Variants in DGKH observed in about 807,000 individuals in gnomAD.
DGKH encodes the protein diacylglycerol kinase eta.
Under a neutral mutation model 159.3 loss-of-function variants are expected in DGKH, and 90 were observed. That is an observed-to-expected ratio of 0.57 (90% confidence interval 0.48 to 0.67). The LOEUF (loss-of-function observed/expected upper bound fraction) is 0.67, where lower values mean the gene tolerates loss of function less well. Ranked by LOEUF, DGKH falls within the 30% of genes least tolerant of loss-of-function variation. DGKH has a pLI of 0.00. For synonymous variants in DGKH, 536 were observed against 553.8 expected (o/e 0.97, Z 0.45); for missense variants, 1,181 against 1,506.1 (o/e 0.78, Z 3.57).
At chr13:42,221,110 AGTG>A in intron 28 of DGKH, 151 bp from the exon 29 acceptor site, 1 of 968,838 alleles carries the variant, frequency 1.0e-6, no homozygotes, top group South Asian at 1.8e-5. Context: ...CATGGGAAAA[AGTG>A]GAACTATGGT....
At position 42,234,372 on chromosome 13, in the gene DGKH, C is replaced by T. The variant is rs1400861613; in HGVS notation, c.*5184C>T. The T allele has an allele frequency of 6.6e-6, 1 of 152,162 alleles. No individual in the cohort carries two copies. The highest frequency in any genetic ancestry group is 2.4e-5 in the African/African-American group (1 of 41,450). 9.4% of individuals were successfully genotyped at this position (152,162 alleles called of 1,614,324 possible). On this transcript the variant is annotated 3_prime_UTR_variant, in exon 30 of 30. Transcript: ENST00000337343. ...GAAAGTTATAGGGGCTGCCACTATA[C>T]AGCACTTCTAAAGTAAAACATCTTC...
At chr13:42,150,568 T>A (rs1955853860) in intron 3 of DGKH, among the ~76,000 whole-genome samples, 1 of 152,232 alleles carries the variant, frequency 6.6e-6, no homozygotes, top group Non-Finnish European at 1.5e-5. Flanking sequence ...GCGGAAGTAA[T>A]CCTTCTGTTT....
chr13:42,241,829 A>G lies in DGKH; in HGVS notation c.*12641A>G, dbSNP rs567442115. ...GCCATGAGGCACTAATACATAGGTG[A>G]AACAAAAATATTTTTAGTTCTAAAA... On this transcript the variant is annotated 3_prime_UTR_variant, in exon 30 of 30. Transcript: ENST00000337343. 3 of 152,372 alleles carry G rather than the reference A, an allele frequency of 2.0e-5. No homozygotes were observed. The highest frequency in any genetic ancestry group is 7.2e-5 in the African/African-American group (3 of 41,590). The allele number at this position is 152,372 out of a possible 1,614,324, so 9.4% of individuals were successfully genotyped here.
rs1566082071 is a variant in DGKH at position 42,063,947 on chromosome 13, A to AT, written c.192+14982_192+14983insT. Among the ~76,000 whole-genome samples, 165 of 109,698 alleles carry AT rather than the reference A, an allele frequency of 1.5e-3. 1 individual carries two copies. Among genetic ancestry groups the AT allele is most frequent in the Middle Eastern group, 4.1e-3 (1 of 246 alleles). 72.0% of individuals were successfully genotyped at this position (109,698 alleles called of 152,430 possible). ...AGAGCAAAACTCCGTCTGAAAAAAA[A>AT]AATATATATATATATATACTGTGGG... On this transcript the variant is annotated intron_variant, in intron 1 of 29. Coordinates refer to ENST00000337343, the MANE Select transcript of DGKH (RefSeq NM_178009.5).
intron 1 of DGKH, among the ~76,000 whole-genome samples, chr13:42,060,151 C>A (rs555119342): frequency 8.1e-6 from 1 of 122,732 alleles, no homozygotes; most frequent in African/African-American, 2.5e-5. Flanking sequence ...GGTGATCCAC[C>A]GGCCTCGGCC....
intron 26 of DGKH, among the ~76,000 whole-genome samples, chr13:42,217,783 C>T (rs913928091): frequency 5.9e-5 from 9 of 152,070 alleles, no homozygotes; most frequent in Admixed American, 1.3e-4. Flanking sequence ...CCTGTAATTC[C>T]GGCACTTTGG....
At chr13:42,130,070 G>A (rs1955257427) in intron 3 of DGKH, among the ~76,000 whole-genome samples, 2 of 152,066 alleles carry the variant, frequency 1.3e-5, no homozygotes, top group Admixed American at 6.6e-5. Flanking sequence ...TGATTCATTC[G>A]GCAGCTCTGT....
chr13:42,184,875 G>GT (rs67713658), intron 13 of DGKH, among the ~76,000 whole-genome samples: 388 of 115,746 alleles, frequency 3.4e-3, no homozygotes, highest in African/African-American at 0.013. Context: ...CTCTAAAAAT[G>GT]TTTTTTTTTT....
intron 24 of DGKH, among the ~76,000 whole-genome samples, chr13:42,212,982 C>A (rs1001948989): frequency 6.6e-6 from 1 of 152,146 alleles, no homozygotes; most frequent in Admixed American, 6.6e-5. Context: ...ATGCATGCTA[C>A]TTTCAGGAAA....
At chr13:42,130,373 C>T (rs1955263836) in intron 3 of DGKH, among the ~76,000 whole-genome samples, 1 of 152,030 alleles carries the variant, frequency 6.6e-6, no homozygotes, top group Non-Finnish European at 1.5e-5. Context: ...CATTTTTTTC[C>T]AGCTTCTTTC....
At chr13:42,116,927 C>T (rs963920630) in intron 1 of DGKH, among the ~76,000 whole-genome samples, 3 of 152,096 alleles carry the variant, frequency 2.0e-5, no homozygotes, top group Non-Finnish European at 4.4e-5. Context: ...AACGATTTTT[C>T]AAAGTCAGGT....
Position 42,127,504 on chromosome 13 carries a change from T to G in DGKH, c.234T>G (p.Ser78=). 1 of 1,613,886 alleles carries G rather than the reference T, an allele frequency of 6.2e-7. No homozygotes were observed. Among genetic ancestry groups the G allele is most frequent in the South Asian group, 1.1e-5 (1 of 91,072 alleles). Residue 78 remains serine (S), a synonymous_variant, in exon 2 of 30, where the codon TCT becomes TCG. Transcript: ENST00000337343. ...GACAGCTATTGAAGCAAACCAGTTC[T>G]TTCCAAAGGTGGAAAAAGCGATACT... ...KEGQLLKQTS[S]FQRWKKRYFK...
intron 21 of DGKH, among the ~76,000 whole-genome samples, chr13:42,206,610 C>T (rs943985520): frequency 6.9e-6 from 1 of 145,072 alleles, no homozygotes; most frequent in Non-Finnish European, 1.5e-5. Flanking sequence ...GTCAGCTGGG[C>T]TGTTGCCTTC....
chr13:42,111,861 C>T (rs951433753), intron 1 of DGKH, among the ~76,000 whole-genome samples: 1 of 152,150 alleles, frequency 6.6e-6, no homozygotes, highest in Non-Finnish European at 1.5e-5. Context: ...GGTTGAATTT[C>T]TTCCTTTCTG....
intron 1 of DGKH, among the ~76,000 whole-genome samples, chr13:42,056,007 A>T (rs1473868308): frequency 6.6e-6 from 1 of 152,168 alleles, no homozygotes; most frequent in Non-Finnish European, 1.5e-5. Flanking sequence ...AAAATAAGAA[A>T]GTTAGCTGGG....
intron 1 of DGKH, among the ~76,000 whole-genome samples, chr13:42,097,489 C>G (rs9315887): frequency 0.15 from 22,394 of 152,146 alleles, 1,795 homozygotes; most frequent in South Asian, 0.18. Flanking sequence ...CATTTTTTAA[C>G]TCTTTTCTCT....
chr13:42,045,913 GAATATTCATAAA>G (rs1566072202), upstream of DGKH, among the ~76,000 whole-genome samples: 4 of 152,174 alleles, frequency 2.6e-5, no homozygotes, highest in African/African-American at 7.2e-5. Flanking sequence ...AATAATACAC[GAATATTCATAAA>G]GTTGACATGA....
intron 24 of DGKH, among the ~76,000 whole-genome samples, chr13:42,213,657 T>G (rs1163786406): frequency 6.6e-6 from 1 of 152,190 alleles, no homozygotes; most frequent in Non-Finnish European, 1.5e-5. Context: ...TTCTTTACTC[T>G]TGGTTCAGCT....
chr13:42,051,846 G>A (rs1302084696), intron 1 of DGKH, among the ~76,000 whole-genome samples: 1 of 151,764 alleles, frequency 6.6e-6, no homozygotes, highest in Non-Finnish European at 1.5e-5. Context: ...TTTATTTTTA[G>A]TAAAGATGGG....
Sources: gnomAD v4.1 joint callset for allele counts (sites outside exome capture counted in the v4.1 genomes callset) on GRCh38, gnomAD v4.1.1 for gene constraint, MANE v1.5 for transcripts, NCBI Gene and HGNC (gene_info 2026-07-23, HGNC 2026-07-21) for gene names.